IL1RAPL2: variants seen among roughly 807,000 people sequenced by gnomAD.
IL1RAPL2 encodes X-linked interleukin-1 receptor accessory protein-like 2.
In IL1RAPL2, 3 loss-of-function variants were observed where a neutral mutation model predicts 44.1. The ratio of observed to expected loss-of-function variants is 0.07; its 90% CI spans 0.03 to 0.18. The LOEUF (loss-of-function observed/expected upper bound fraction) is 0.18, where lower values mean the gene tolerates loss of function less well. Ranked by LOEUF, IL1RAPL2 falls within the 10% of genes least tolerant of loss-of-function variation. IL1RAPL2 has a pLI of 1.00. For synonymous variants in IL1RAPL2, 181 were observed against 178.8 expected (o/e 1.01, Z -0.10); for missense variants, 391 against 496.4 (o/e 0.79, Z 2.02).
intron 2 of IL1RAPL2, among the ~76,000 whole-genome samples, chrX:105,071,510 A>C (rs1346647912): frequency 1.8e-5 from 2 of 110,202 alleles, no homozygotes; most frequent in African/African-American, 6.6e-5. Flanking sequence ...AGAAATATAC[A>C]AAAAAAAATC....
At chrX:104,676,468 C>T (rs1384327784) in intron 2 of IL1RAPL2, among the ~76,000 whole-genome samples, 1 of 111,966 alleles carries the variant, frequency 8.9e-6, no homozygotes, top group African/African-American at 3.3e-5. Context: ...CTGAGAGATC[C>T]ACTGTTAGTC....
chrX:104,826,306 CA>C (rs1921449215), intron 2 of IL1RAPL2, among the ~76,000 whole-genome samples: 1 of 111,555 alleles, frequency 9.0e-6, no homozygotes, highest in East Asian at 2.8e-4. Flanking sequence ...GATTCTGGTA[CA>C]TTGTGTCTTT....
At chrX:105,617,791 T>A (rs1221530060) in intron 6 of IL1RAPL2, among the ~76,000 whole-genome samples, 1 of 111,364 alleles carries the variant, frequency 9.0e-6, no homozygotes, top group Non-Finnish European at 1.9e-5. Context: ...GCAGAGTTGC[T>A]GCATGTAGAA....
chrX:105,411,853 A>G (rs1602400266), intron 5 of IL1RAPL2, among the ~76,000 whole-genome samples: 1 of 112,160 alleles, frequency 8.9e-6, no homozygotes, highest in East Asian at 2.8e-4. Context: ...CAGAATACAC[A>G]TTCTTCTCAA....
chrX:104,691,496 A>G (rs908987677), intron 2 of IL1RAPL2, among the ~76,000 whole-genome samples: 1 of 112,454 alleles, frequency 8.9e-6, no homozygotes, highest in Admixed American at 9.5e-5. Context: ...TAAATGACAG[A>G]CAAGACAAAT....
At chrX:104,917,697 C>T (rs907530848) in intron 2 of IL1RAPL2, among the ~76,000 whole-genome samples, 2 of 111,954 alleles carry the variant, frequency 1.8e-5, no homozygotes, top group Non-Finnish European at 1.9e-5. Context: ...CCCTATTTTC[C>T]AGGTAAGAAT....
At chrX:105,387,485 G>T (rs768088874) in intron 5 of IL1RAPL2, among the ~76,000 whole-genome samples, 4 of 110,016 alleles carry the variant, frequency 3.6e-5, no homozygotes, top group African/African-American at 1.3e-4. Flanking sequence ...CACCCGCCTC[G>T]GCCTCCCAAA....
At chrX:105,028,946 T>C (rs184788568) in intron 2 of IL1RAPL2, among the ~76,000 whole-genome samples, 67 of 110,285 alleles carry the variant, frequency 6.1e-4, no homozygotes, top group African/African-American at 2.2e-3. Context: ...AATACTTATG[T>C]ATTTAGATTT....
At chrX:104,637,804 G>C (rs866816485) in intron 1 of IL1RAPL2, among the ~76,000 whole-genome samples, 1 of 106,497 alleles carries the variant, frequency 9.4e-6, no homozygotes, top group Non-Finnish European at 1.9e-5. Flanking sequence ...GTGTGTGTCT[G>C]TGTGTGTGTG....
chrX:105,087,004 A>T (rs182277918), intron 2 of IL1RAPL2, among the ~76,000 whole-genome samples: 101 of 110,212 alleles, frequency 9.2e-4, no homozygotes, highest in African/African-American at 2.5e-3. Flanking sequence ...ACAGATTTTT[A>T]AAAAAACCCT....
chrX:105,524,521 A>T (rs1206762133), intron 6 of IL1RAPL2, among the ~76,000 whole-genome samples: 1 of 109,544 alleles, frequency 9.1e-6, no homozygotes, highest in African/African-American at 3.3e-5. Flanking sequence ...ATTTTCAAGC[A>T]CCTAAGAACT....
intron 2 of IL1RAPL2, among the ~76,000 whole-genome samples, chrX:104,904,548 C>T (rs1308198563): frequency 1.1e-4 from 11 of 102,464 alleles, no homozygotes; most frequent in Middle Eastern, 4.9e-3. Flanking sequence ...TGAGAATATG[C>T]GGTGTTTGGT....
intron 2 of IL1RAPL2, among the ~76,000 whole-genome samples, chrX:104,712,753 T>C (rs1931484168): frequency 9.0e-6 from 1 of 110,519 alleles, no homozygotes; most frequent in Admixed American, 9.7e-5. Flanking sequence ...TAGCAAGCTG[T>C]GTGAATCTTG....
At chrX:105,115,692 GT>G (rs777382911) in intron 2 of IL1RAPL2, among the ~76,000 whole-genome samples, 7 of 113,137 alleles carry the variant, frequency 6.2e-5, no homozygotes, top group Non-Finnish European at 1.3e-4. Flanking sequence ...GCTTCACCCA[GT>G]GGGTCCCGCA....
chrX:105,608,466 A>T (rs1484768643), intron 6 of IL1RAPL2, among the ~76,000 whole-genome samples: 2 of 112,245 alleles, frequency 1.8e-5, no homozygotes, highest in African/African-American at 6.5e-5. Flanking sequence ...TTCAAGTTAA[A>T]ACCTAGGCAG....
chrX:105,578,694 A>T (rs1273658332), intron 6 of IL1RAPL2, among the ~76,000 whole-genome samples: 1 of 111,453 alleles, frequency 9.0e-6, no homozygotes, highest in African/African-American at 3.3e-5. Context: ...CTTATCACAC[A>T]AGCTCATACT....
intron 2 of IL1RAPL2, among the ~76,000 whole-genome samples, chrX:104,870,689 C>T (rs753606310): frequency 2.1e-4 from 23 of 111,819 alleles, no homozygotes; most frequent in Non-Finnish European, 4.3e-4. Flanking sequence ...GGAAAATTGT[C>T]AGGGTGGCAT....
At chrX:105,146,055 G>A (rs759725124) in intron 2 of IL1RAPL2, among the ~76,000 whole-genome samples, 1 of 111,434 alleles carries the variant, frequency 9.0e-6, no homozygotes, top group East Asian at 2.8e-4. Context: ...GAAGCAGAAA[G>A]CCCTCACCAG....
chrX:104,918,343 T>C (rs1924525799), intron 2 of IL1RAPL2, among the ~76,000 whole-genome samples: 1 of 111,506 alleles, frequency 9.0e-6, no homozygotes, highest in African/African-American at 3.3e-5. Context: ...TGAAAGACTA[T>C]GTGTATACTT....
Sources: gnomAD v4.1 joint callset for allele counts (sites outside exome capture counted in the v4.1 genomes callset) on GRCh38, gnomAD v4.1.1 for gene constraint, MANE v1.5 for transcripts, NCBI Gene and HGNC (gene_info 2026-07-23, HGNC 2026-07-21) for gene names.